GALNT10: variants seen among roughly 807,000 people sequenced by gnomAD.
The protein encoded by GALNT10 is GalNAc transferase 10.
A neutral mutation model predicts 75.0 loss-of-function variants in GALNT10; 41 were observed. The observed-to-expected ratio is 0.55, with a 90% CI of 0.43 to 0.71. The LOEUF is 0.71. Ranked by LOEUF, GALNT10 falls within the 30% of genes least tolerant of loss-of-function variation. The probability of loss-of-function intolerance (pLI) is 0.00; values close to 1 mark genes in which losing one functional copy is unlikely to be tolerated. For synonymous variants in GALNT10, 302 were observed against 313.0 expected (o/e 0.96, Z 0.37); for missense variants, 727 against 818.5 (o/e 0.89, Z 1.36).
chr5:154,191,059 C>T, intron 1 of GALNT10, 34 bp downstream of exon 1: 1 of 1,340,330 alleles, frequency 7.5e-7, no homozygotes, highest in Non-Finnish European at 9.7e-7. Flanking sequence ...CCGGGAACAC[C>T]CCCTTCCCGA....
chr5:154,313,012 A>T (rs895523619), intron 3 of GALNT10, among the ~76,000 whole-genome samples: 9 of 152,216 alleles, frequency 5.9e-5, no homozygotes, highest in East Asian at 5.8e-4. Flanking sequence ...AGATTTTTTT[A>T]AAATGTTATT....
rs560917084 is a variant in GALNT10 at position 154,295,715 on chromosome 5, T to C, written c.262+797T>C. ...ATGCCACTTACAGCCATCTAATCAA[T>C]AGATAAAGTCCATACTCCCAGAGCC... is the stretch of plus-strand genomic sequence containing the variant. On this transcript the variant is annotated intron_variant, in intron 2 of 11. Transcript: ENST00000297107. 6.6e-5 allele frequency among the ~76,000 whole-genome samples: 10 copies of C among 152,278 alleles called. No homozygotes were observed. The South Asian group carries it at 1.9e-3, about 28-fold the overall frequency.
chr5:154,293,613 A>ATATATATATATATATATTTTTTT, intron 1 of GALNT10, among the ~76,000 whole-genome samples: 2 of 109,358 alleles, frequency 1.8e-5, no homozygotes, highest in African/African-American at 8.5e-5. Flanking sequence ...ATATATATAT[A>ATATATATATATATATATTTTTTT]TTTTTTTTTT....
intron 1 of GALNT10, among the ~76,000 whole-genome samples, chr5:154,212,388 T>C (rs1240861180): frequency 6.6e-6 from 1 of 152,228 alleles, no homozygotes; most frequent in Admixed American, 6.5e-5. Flanking sequence ...AGGACTGCCT[T>C]GTAGCACATC....
chr5:154,370,815 C>T (rs1441002122), intron 4 of GALNT10, among the ~76,000 whole-genome samples: 7 of 152,164 alleles, frequency 4.6e-5, no homozygotes, highest in African/African-American at 1.7e-4. Flanking sequence ...CGAACTGCTA[C>T]AAACAGACTA....
At chr5:154,271,054 C>G (rs1293362288) in intron 1 of GALNT10, among the ~76,000 whole-genome samples, 1 of 150,682 alleles carries the variant, frequency 6.6e-6, no homozygotes, top group Non-Finnish European at 1.5e-5. Flanking sequence ...GCTTGTGTGG[C>G]CCACTGGATG....
intron 1 of GALNT10, among the ~76,000 whole-genome samples, chr5:154,220,708 A>C (rs577063336): frequency 1.3e-5 from 2 of 152,364 alleles, no homozygotes; most frequent in African/African-American, 4.8e-5. Flanking sequence ...AGCTGGAGCC[A>C]TCTGATGGGG....
At chr5:154,306,934 T>C (rs750270964) in intron 3 of GALNT10, among the ~76,000 whole-genome samples, 26 of 152,314 alleles carry the variant, frequency 1.7e-4, no homozygotes, top group South Asian at 8.3e-4. Context: ...AGAATACACA[T>C]TATTTTCAAG....
chr5:154,194,342 C>T (rs774519769), intron 1 of GALNT10, among the ~76,000 whole-genome samples: 2 of 152,136 alleles, frequency 1.3e-5, no homozygotes, highest in Non-Finnish European at 1.5e-5. Flanking sequence ...AAGCCTTGCC[C>T]ATCAGAAAGT....
At chr5:154,387,600 G>A (rs1755825594) in intron 7 of GALNT10, 3 of 152,194 alleles carry the variant, frequency 2.0e-5, no homozygotes, top group African/African-American at 7.2e-5. Context: ...TGTGATCTTG[G>A]GCAAGGAATC....
intron 1 of GALNT10, among the ~76,000 whole-genome samples, chr5:154,234,202 T>C (rs1274628391): frequency 2.6e-5 from 4 of 152,328 alleles, no homozygotes; most frequent in African/African-American, 9.6e-5. Context: ...ATGTGCATGC[T>C]TTAATTTCAT....
At chr5:154,281,517 C>G (rs1754038174) in intron 1 of GALNT10, among the ~76,000 whole-genome samples, 1 of 152,150 alleles carries the variant, frequency 6.6e-6, no homozygotes, top group Non-Finnish European at 1.5e-5. Context: ...ATTCTACCAT[C>G]AAATAATGGA....
intron 1 of GALNT10, among the ~76,000 whole-genome samples, chr5:154,215,082 G>A (rs562441867): frequency 6.6e-6 from 1 of 152,156 alleles, no homozygotes; most frequent in African/African-American, 2.4e-5. Context: ...ATTTTAAAAG[G>A]GTTGCCTTTA....
intron 1 of GALNT10, among the ~76,000 whole-genome samples, chr5:154,223,625 A>G (rs1753018047): frequency 6.6e-6 from 1 of 152,308 alleles, no homozygotes; most frequent in East Asian, 1.9e-4. Flanking sequence ...GGGAATAACA[A>G]TTGGAGGGAG....
intron 4 of GALNT10, among the ~76,000 whole-genome samples, chr5:154,365,021 C>T (rs1214801543): frequency 6.6e-6 from 1 of 152,228 alleles, no homozygotes; most frequent in African/African-American, 2.4e-5. Context: ...GATTTATGGC[C>T]CTGCCCACTG....
intron 3 of GALNT10, among the ~76,000 whole-genome samples, chr5:154,310,746 A>G (rs1368171748): frequency 6.6e-6 from 1 of 152,204 alleles, no homozygotes; most frequent in Admixed American, 6.5e-5. Context: ...TGCTGGGATT[A>G]CAGGCGTGAG....
chr5:154,256,017 C>T (rs917927672), intron 1 of GALNT10, among the ~76,000 whole-genome samples: 9 of 152,106 alleles, frequency 5.9e-5, no homozygotes, highest in African/African-American at 2.2e-4. Context: ...ATATAACTGC[C>T]TCTAGAGTGG....
At position 154,268,908 on chromosome 5, in the gene GALNT10, G is replaced by A. The variant is rs191283651; in HGVS notation, c.160-25908G>A. 5.6e-3 allele frequency among the ~76,000 whole-genome samples: 855 copies of A among 152,186 alleles called. 18 individuals carry two copies. In the East Asian group the frequency reaches 0.085, roughly 15 times the overall value. On this transcript the variant is annotated intron_variant, in intron 1 of 11. Transcript: ENST00000297107. ...TCCCAACACTTTGGGAGGCCAAGGC[G>A]AAAGGATTGCTTGAGACCAAGAGTT...
In GALNT10 at chr5:154,409,342, A is replaced by G; in HGVS notation, c.1165-199A>G. 5 of 621,008 alleles carry G rather than the reference A, an allele frequency of 8.1e-6. No individual in the cohort carries two copies. In the South Asian group the frequency reaches 9.4e-5, roughly 12 times the overall value. The allele number at this position is 621,008 out of a possible 1,614,324, so 38.5% of individuals were successfully genotyped here. On this transcript the variant is annotated intron_variant, in intron 8 of 11. Transcript: ENST00000297107. The surrounding 1 kb of genome is among the most constrained non-coding windows in gnomAD (Gnocchi z 4.5). ...CAAAACAACAGCAGCCTATGGGCCA[A>G]CTATAAGCTGTGAAGCCCTTAAAAC...
Sources: gnomAD v4.1 joint callset for allele counts (sites outside exome capture counted in the v4.1 genomes callset) on GRCh38, gnomAD v4.1.1 for gene constraint, Gnocchi (gnomAD v3.1) non-coding constraint, MANE v1.5 for transcripts, NCBI Gene and HGNC (gene_info 2026-07-23, HGNC 2026-07-21) for gene names.